Variants in GPC5 observed in about 807,000 individuals in gnomAD.
GPC5 encodes the protein glypican 5.
A neutral mutation model predicts 53.9 loss-of-function variants in GPC5; 47 were observed. That is an observed-to-expected ratio of 0.87 (90% CI 0.69 to 1.11). The LOEUF (loss-of-function observed/expected upper bound fraction) is 1.11. Among genes scored for constraint, GPC5 ranks in the 50% most tolerant of loss-of-function variants. The probability of loss-of-function intolerance (pLI) is 0.00; values close to 1 mark genes in which losing one functional copy is unlikely to be tolerated. For missense variants in GPC5, 748 were observed against 713.1 expected (o/e 1.05, Z -0.56); for synonymous variants, 286 against 263.3 (o/e 1.09, Z -0.84).
At chr13:92,847,591 G>A (rs746886505) in intron 7 of GPC5, among the ~76,000 whole-genome samples, 1 of 151,298 alleles carries the variant, frequency 6.6e-6, no homozygotes, top group Non-Finnish European at 1.5e-5. Context: ...ATCCCCAGCA[G>A]TGCTGTACAG....
intron 6 of GPC5, among the ~76,000 whole-genome samples, chr13:92,032,985 A>T (rs1247754265): frequency 6.7e-6 from 1 of 149,748 alleles, no homozygotes; most frequent in Non-Finnish European, 1.5e-5. Flanking sequence ...CTCCAGTACT[A>T]CCTCCTCAGG....
At chr13:91,747,458 A>C (rs1032643187) in intron 4 of GPC5, among the ~76,000 whole-genome samples, 1 of 152,208 alleles carries the variant, frequency 6.6e-6, no homozygotes, top group Non-Finnish European at 1.5e-5. Context: ...ATTGTGCTAC[A>C]GCCTTTTTCT....
At chr13:91,651,232 AT>A (rs61596864) in intron 2 of GPC5, among the ~76,000 whole-genome samples, 11 of 151,534 alleles carry the variant, frequency 7.3e-5, no homozygotes, top group African/African-American at 1.9e-4. Context: ...TTACAGACAC[AT>A]TTTTTTTTCT....
chr13:92,573,077 T>C (rs1003642502), intron 7 of GPC5, among the ~76,000 whole-genome samples: 2 of 152,204 alleles, frequency 1.3e-5, no homozygotes, highest in African/African-American at 4.8e-5. Flanking sequence ...TATGAGATTT[T>C]TTTGTAAGTG....
At chr13:92,418,886 G>A (rs113965561) in intron 7 of GPC5, among the ~76,000 whole-genome samples, 6 of 152,252 alleles carry the variant, frequency 3.9e-5, no homozygotes, top group Admixed American at 2.0e-4. Flanking sequence ...ACTTTTGCCC[G>A]AAGAAAGTAT....
intron 7 of GPC5, among the ~76,000 whole-genome samples, chr13:92,564,899 T>G (rs113407029): frequency 6.6e-6 from 1 of 152,250 alleles, no homozygotes; most frequent in African/African-American, 2.4e-5. Flanking sequence ...TTATTCTTTC[T>G]TTATCCTAAT....
chr13:91,539,065 G>T (rs1310898425), intron 2 of GPC5, among the ~76,000 whole-genome samples: 1 of 152,102 alleles, frequency 6.6e-6, no homozygotes, highest in African/African-American at 2.4e-5. Flanking sequence ...TTTATTTCAA[G>T]AAGGTTTATT....
intron 6 of GPC5, among the ~76,000 whole-genome samples, chr13:91,953,193 T>C (rs1381815138): frequency 6.6e-6 from 1 of 152,138 alleles, no homozygotes; most frequent in Non-Finnish European, 1.5e-5. Flanking sequence ...CAAGCACACT[T>C]GGGGTAAGGT....
chr13:91,551,753 T>C (rs905223785), intron 2 of GPC5, among the ~76,000 whole-genome samples: 4 of 152,098 alleles, frequency 2.6e-5, no homozygotes, highest in African/African-American at 9.7e-5. Flanking sequence ...ATGAATTGAT[T>C]TAATGAGAAT....
chr13:92,039,226 G>T (rs543057955), intron 6 of GPC5, among the ~76,000 whole-genome samples: 2 of 152,314 alleles, frequency 1.3e-5, no homozygotes, highest in South Asian at 4.1e-4. Context: ...GCTGGATAAA[G>T]AAAAGTTGTT....
chr13:91,552,294 G>T (rs945257750), intron 2 of GPC5, among the ~76,000 whole-genome samples: 1 of 151,926 alleles, frequency 6.6e-6, no homozygotes, highest in Non-Finnish European at 1.5e-5. Context: ...TGGCATAGTT[G>T]TGCAGAAGAT....
intron 2 of GPC5, among the ~76,000 whole-genome samples, chr13:91,537,835 TTGCAGGAA>T (rs1398804976): frequency 2.0e-5 from 3 of 152,208 alleles, no homozygotes; most frequent in Non-Finnish European, 2.9e-5. Context: ...GTGGAATTTA[TTGCAGGAA>T]TGCAAGCTTG....
chr13:91,668,125 G>A (rs891383580), intron 2 of GPC5, among the ~76,000 whole-genome samples: 1 of 152,140 alleles, frequency 6.6e-6, no homozygotes, highest in African/African-American at 2.4e-5. Flanking sequence ...TCTCCTGGTT[G>A]GATCCTGTCT....
intron 7 of GPC5, among the ~76,000 whole-genome samples, chr13:92,225,200 T>C (rs1201721492): frequency 6.6e-6 from 1 of 152,232 alleles, no homozygotes; most frequent in African/African-American, 2.4e-5. Context: ...TATCTTGACT[T>C]TGATTATCTG....
intron 6 of GPC5, among the ~76,000 whole-genome samples, chr13:92,028,853 T>C (rs1251023622): frequency 6.6e-6 from 1 of 152,184 alleles, no homozygotes; most frequent in Non-Finnish European, 1.5e-5. Context: ...TATCCTGATT[T>C]ATGATGTGGG....
chr13:91,963,624 G>A lies in GPC5; in HGVS notation c.1401+55567G>A, dbSNP rs144983428. Among the ~76,000 whole-genome samples the A allele has an allele frequency of 2.2e-3, 329 of 152,206 alleles. 1 individual carries two copies. The highest frequency in any genetic ancestry group is 7.3e-3 in the Admixed American group (112 of 15,282). The stretch of plus-strand genomic sequence containing the variant: ...ATAAATTAAGTGCAACAGGCATGAA[G>A]CTTAATGTACAAAATGCACAGTTTG... On this transcript the variant is annotated intron_variant, in intron 6 of 7. Transcript: ENST00000377067.
intron 7 of GPC5, among the ~76,000 whole-genome samples, chr13:92,511,240 A>G (rs770968492): frequency 3.3e-5 from 5 of 152,252 alleles, no homozygotes; most frequent in South Asian, 2.1e-4. Flanking sequence ...ATAGATTTCT[A>G]TCTATCATCT....
intron 2 of GPC5, among the ~76,000 whole-genome samples, chr13:91,467,689 A>G (rs1882332614): frequency 6.6e-6 from 1 of 152,160 alleles, no homozygotes; most frequent in African/African-American, 2.4e-5. Context: ...AACCATTTTT[A>G]AAAAACAATG....
intron 7 of GPC5, among the ~76,000 whole-genome samples, chr13:92,489,033 C>G (rs1404705627): frequency 1.3e-5 from 2 of 152,118 alleles, no homozygotes; most frequent in Non-Finnish European, 2.9e-5. Context: ...CAGTTATTTT[C>G]TATTTGACTC....
Sources: allele counts gnomAD v4.1 joint callset (sites outside exome capture counted in the v4.1 genomes callset), GRCh38; gene constraint gnomAD v4.1.1; transcripts MANE v1.5; gene names NCBI Gene and HGNC (gene_info 2026-07-23, HGNC 2026-07-21).